Variants in FHIT observed in about 807,000 individuals in gnomAD.
FHIT encodes the protein bis(5'-adenosyl)-triphosphatase.
A neutral mutation model predicts 17.9 loss-of-function variants in FHIT; 19 were observed. That is an observed-to-expected ratio of 1.06 (90% CI 0.74 to 1.56). FHIT has a LOEUF of 1.56. Among genes scored for constraint, FHIT ranks in the 40% most tolerant of loss-of-function variants. The pLI is 0.00. For missense variants in FHIT, 248 were observed against 189.2 expected, an observed-to-expected ratio of 1.31 and a Z score of -1.82; for synonymous variants, 81 against 69.7, an observed-to-expected ratio of 1.16 and a Z score of -0.81.
chr3:60,258,095 C>T (rs1559767576), intron 5 of FHIT, among the ~76,000 whole-genome samples: 1 of 147,944 alleles, frequency 6.8e-6, no homozygotes, highest in African/African-American at 2.5e-5. Context: ...CACACACACA[C>T]ACACACCTCT....
chr3:61,141,904 A>C (rs1354885700), intron 2 of FHIT, among the ~76,000 whole-genome samples: 1 of 151,476 alleles, frequency 6.6e-6, no homozygotes, highest in Non-Finnish European at 1.5e-5. Context: ...GGATGACTGC[A>C]GTTCACCCAG....
chr3:60,778,595 A>G (rs1300183793), intron 4 of FHIT, among the ~76,000 whole-genome samples: 1 of 152,238 alleles, frequency 6.6e-6, no homozygotes, highest in African/African-American at 2.4e-5. Context: ...AGCCTTTAAC[A>G]ATTGAGTAAG....
chr3:60,560,840 CACACAG>C (rs1433880533), intron 4 of FHIT, among the ~76,000 whole-genome samples: 135 of 115,566 alleles, frequency 1.2e-3, no homozygotes, highest in African/African-American at 4.6e-3. Context: ...CACACACACA[CACACAG>C]AGAGAGAGAG....
chr3:60,941,910 G>A (rs1366603841), intron 3 of FHIT, among the ~76,000 whole-genome samples: 2 of 152,098 alleles, frequency 1.3e-5, no homozygotes, highest in Admixed American at 6.5e-5. Context: ...TCTGCCCTTT[G>A]CCCTGGTAAA....
chr3:60,302,496 A>G (rs1708494358), intron 5 of FHIT, among the ~76,000 whole-genome samples: 1 of 152,072 alleles, frequency 6.6e-6, no homozygotes, highest in South Asian at 2.1e-4. Flanking sequence ...CTCACTTTTT[A>G]TTTTTAGAAA....
At chr3:60,144,292 T>A (rs1262487132) in intron 5 of FHIT, among the ~76,000 whole-genome samples, 1 of 152,224 alleles carries the variant, frequency 6.6e-6, no homozygotes, top group Admixed American at 6.5e-5. Flanking sequence ...ATCCCATTGA[T>A]ATGGATGGTG....
chr3:60,417,187 T>C (rs1702283051), intron 5 of FHIT, among the ~76,000 whole-genome samples: 3 of 152,178 alleles, frequency 2.0e-5, no homozygotes. Context: ...TGGAATATTA[T>C]GTTATTCTAT....
intron 4 of FHIT, among the ~76,000 whole-genome samples, chr3:60,701,799 C>T (rs1376809653): frequency 4.6e-5 from 7 of 152,224 alleles, no homozygotes; most frequent in African/African-American, 1.7e-4. Context: ...AGTCTAGTCC[C>T]CAGACAGGAA....
intron 6 of FHIT, among the ~76,000 whole-genome samples, chr3:60,013,125 G>A (rs968385956): frequency 6.6e-6 from 1 of 152,212 alleles, no homozygotes; most frequent in African/African-American, 2.4e-5. Context: ...TTGAGAAGAA[G>A]ATGAGCACTT....
intron 1 of FHIT, among the ~76,000 whole-genome samples, chr3:61,217,060 A>G (rs935627505): frequency 6.6e-6 from 1 of 152,112 alleles, no homozygotes; most frequent in Non-Finnish European, 1.5e-5. Context: ...TGAGTTAATG[A>G]GTGCAGCACA....
intron 8 of FHIT, among the ~76,000 whole-genome samples, chr3:59,762,975 T>A (rs2106792297): frequency 6.6e-6 from 1 of 152,334 alleles, no homozygotes; most frequent in Admixed American, 6.5e-5. Flanking sequence ...TGAAGCAGAC[T>A]TCGGAGAAGG....
chr3:59,967,013 A>G (rs1707958072), intron 7 of FHIT, among the ~76,000 whole-genome samples: 1 of 152,054 alleles, frequency 6.6e-6, no homozygotes, highest in South Asian at 2.1e-4. Flanking sequence ...TCTATTTTTA[A>G]AACCTTTTAT....
intron 4 of FHIT, among the ~76,000 whole-genome samples, chr3:60,807,250 A>G (rs1195089923): frequency 6.6e-6 from 1 of 152,098 alleles, no homozygotes; most frequent in African/African-American, 2.4e-5. Context: ...AGAGGTCTAC[A>G]TGAACTACAA....
chr3:60,773,830 A>T (rs1700126941), intron 4 of FHIT, among the ~76,000 whole-genome samples: 1 of 152,262 alleles, frequency 6.6e-6, no homozygotes, highest in African/African-American at 2.4e-5. Context: ...AAACAATACC[A>T]GTCTGATTTC....
intron 4 of FHIT, among the ~76,000 whole-genome samples, chr3:60,788,434 A>G (rs1700657629): frequency 1.3e-5 from 2 of 152,214 alleles, no homozygotes; most frequent in Admixed American, 1.3e-4. Context: ...AGGATCAACT[A>G]TATATATACA....
intron 8 of FHIT, among the ~76,000 whole-genome samples, chr3:59,829,835 T>C (rs573617796): frequency 8.0e-4 from 121 of 151,102 alleles, no homozygotes; most frequent in African/African-American, 2.8e-3. Context: ...TATAAGGGAG[T>C]TTGTAAGAAA....
rs1166517060 is a variant in FHIT, at chr3:61,177,174, C to T, written c.-164+23443G>A. Among the ~76,000 whole-genome samples the T allele has an allele frequency of 3.3e-5, 4 of 120,496 alleles. No individual in the cohort carries two copies. In the East Asian group the frequency reaches 1.7e-3, roughly 51 times the overall value. 79.1% of individuals were successfully genotyped at this position (120,496 alleles called of 152,430 possible). ...CCTGGGCGACAGAGTAAGACTCCAT[C>T]TCAAAAAAAAAAAAAAGAAAAAGAA... On this transcript the variant is annotated intron_variant, in intron 2 of 9. Coordinates refer to ENST00000492590, the MANE Select transcript of FHIT (RefSeq NM_002012.4).
intron 5 of FHIT, among the ~76,000 whole-genome samples, chr3:60,209,522 A>G (rs1559729819): frequency 6.6e-6 from 1 of 152,128 alleles, no homozygotes; most frequent in Non-Finnish European, 1.5e-5. Flanking sequence ...CAATCCACCC[A>G]TCTTCCAGAG....
chr3:60,027,215 T>C lies in FHIT; in HGVS notation c.104-13063A>G, dbSNP rs1032338613. Among the ~76,000 whole-genome samples the C allele has an allele frequency of 2.6e-5, 4 of 151,342 alleles. No homozygotes were observed. In the South Asian group the frequency reaches 6.3e-4, roughly 24 times the overall value. The stretch of plus-strand genomic sequence containing the variant: ...ATGAACTTACAAGATTTCTATATAT[T>C]TGAATTTCATTTTGTATATAACTGA... On this transcript the variant is annotated intron_variant, in intron 5 of 9. Coordinates refer to ENST00000492590, the MANE Select transcript of FHIT (RefSeq NM_002012.4).
Sources: gnomAD v4.1 joint callset for allele counts (sites outside exome capture counted in the v4.1 genomes callset) on GRCh38, gnomAD v4.1.1 for gene constraint, MANE v1.5 for transcripts, NCBI Gene and HGNC (gene_info 2026-07-23, HGNC 2026-07-21) for gene names.